ST3GAL1: variants seen among roughly 807,000 people sequenced by gnomAD.
The protein encoded by ST3GAL1 is CMP-N-acetylneuraminate-beta-galactosamide-alpha-2,3-sialyltransferase 1.
Under a neutral mutation model 34.1 loss-of-function variants are expected in ST3GAL1, and 16 were observed. The ratio of observed to expected loss-of-function variants is 0.47; its 90% CI spans 0.32 to 0.71. The LOEUF (loss-of-function observed/expected upper bound fraction) is 0.71. ST3GAL1 is among the 30% of genes least tolerant of loss of function. ST3GAL1 has a pLI of 0.04. For synonymous variants in ST3GAL1, 191 were observed against 184.7 expected, an observed-to-expected ratio of 1.03 and a Z score of -0.28; for missense variants, 353 against 447.4, an observed-to-expected ratio of 0.79 and a Z score of 1.90.
At chr8:133,540,880 G>GAGACATATATATAGAGACATATATAT (rs1818468856) in intron 2 of ST3GAL1, among the ~76,000 whole-genome samples, 2 of 45,054 alleles carry the variant, frequency 4.4e-5, no homozygotes, top group African/African-American at 1.2e-4. Flanking sequence ...CATATATATA[G>GAGACATATATATAGAGACATATATAT]AGACATATAT....
At chr8:133,557,659 C>A (rs1448056559) in intron 1 of ST3GAL1, among the ~76,000 whole-genome samples, 1 of 152,176 alleles carries the variant, frequency 6.6e-6, no homozygotes, top group Non-Finnish European at 1.5e-5. Context: ...ACTAGCCTGA[C>A]CAACATGGTG....
At chr8:133,480,431 G>A (rs530832977) in intron 3 of ST3GAL1, among the ~76,000 whole-genome samples, 4 of 152,204 alleles carry the variant, frequency 2.6e-5, no homozygotes, top group Non-Finnish European at 5.9e-5. Flanking sequence ...CCCACTGAAC[G>A]GGATGGTAGT....
chr8:133,551,608 AAGAAAG>A (rs1429022400), intron 1 of ST3GAL1, among the ~76,000 whole-genome samples: 106 of 135,492 alleles, frequency 7.8e-4, no homozygotes, highest in African/African-American at 2.8e-3. Context: ...GAAAGAAAGA[AAGAAAG>A]AAAGAGCGAG....
At chr8:133,505,852 C>T (rs760455277) in intron 2 of ST3GAL1, among the ~76,000 whole-genome samples, 20 of 152,162 alleles carry the variant, frequency 1.3e-4, no homozygotes, top group Non-Finnish European at 1.9e-4. Context: ...CCACCCACCT[C>T]GGCCTCCCAA....
intron 3 of ST3GAL1, among the ~76,000 whole-genome samples, chr8:133,494,215 A>G (rs994306513): frequency 2.6e-5 from 4 of 152,148 alleles, no homozygotes; most frequent in African/African-American, 9.7e-5. Flanking sequence ...TGTTCTCCCT[A>G]TTTTGCAGGT....
At chr8:133,515,225 C>A (rs1817608948) in intron 2 of ST3GAL1, among the ~76,000 whole-genome samples, 1 of 152,220 alleles carries the variant, frequency 6.6e-6, no homozygotes, top group South Asian at 2.1e-4. Context: ...GCCTCCTGGG[C>A]CCACACCCTG....
intron 5 of ST3GAL1, among the ~76,000 whole-genome samples, chr8:133,474,861 T>G (rs1185263360): frequency 6.6e-6 from 1 of 152,202 alleles, no homozygotes; most frequent in Non-Finnish European, 1.5e-5. Flanking sequence ...TTCAAAGCAC[T>G]TCTGTGTGAG....
At chr8:133,501,005 C>T (rs1817133255) in intron 2 of ST3GAL1, among the ~76,000 whole-genome samples, 1 of 152,234 alleles carries the variant, frequency 6.6e-6, no homozygotes, top group Non-Finnish European at 1.5e-5. Flanking sequence ...GGCTGAGCCA[C>T]ACCAGGCAAG....
chr8:133,540,424 G>A (rs147803548), intron 2 of ST3GAL1, among the ~76,000 whole-genome samples: 392 of 152,218 alleles, frequency 2.6e-3, no homozygotes, highest in African/African-American at 9.0e-3. Context: ...TAGCTCCAAC[G>A]GGGAGTGTCC....
At position 133,494,783 on chromosome 8, in the gene ST3GAL1, C is replaced by T. The variant is rs72720214; in HGVS notation, c.-374+4352G>A. ...CTACACACAGCCTATCTGCTCTGCC[C>T]AGAATGCTCTTCCCACAGGTAGTAA... On this transcript the variant is annotated intron_variant, in intron 3 of 9. Coordinates refer to ENST00000522652, the MANE Select transcript of ST3GAL1 (RefSeq NM_173344.3). Among the ~76,000 whole-genome samples, 104 of 152,280 alleles carry T rather than the reference C, an allele frequency of 6.8e-4. 1 individual carries two copies. Among genetic ancestry groups the T allele is most frequent in the Non-Finnish European group, 1.3e-3 (90 of 68,024 alleles).
chr8:133,534,682 G>C (rs943581431), intron 2 of ST3GAL1, among the ~76,000 whole-genome samples: 4 of 152,254 alleles, frequency 2.6e-5, no homozygotes, highest in African/African-American at 9.6e-5. Context: ...GCAAGTCGGA[G>C]GAGCTAAAGA....
intron 1 of ST3GAL1, among the ~76,000 whole-genome samples, chr8:133,552,374 AG>A (rs1818887965): frequency 6.6e-6 from 1 of 152,216 alleles, no homozygotes; most frequent in African/African-American, 2.4e-5. Flanking sequence ...AAGCTGAGTG[AG>A]GAATGGTGAG....
rs1325548800 is a variant in ST3GAL1, at chr8:133,466,394, C to T, written c.307-304G>A. 6.6e-6 allele frequency among the ~76,000 whole-genome samples: 1 copy of T among 152,194 alleles called. No homozygotes were observed. Among genetic ancestry groups the T allele is most frequent in the Non-Finnish European group, 1.5e-5 (1 of 68,028 alleles). ...ATCCAGCCACACCTGGACTCACAGG[C>T]CCCTCCCACTCCACATGTGATCAGC... is the stretch of plus-strand genomic sequence containing the variant. On this transcript the variant is annotated intron_variant, in intron 5 of 9. Coordinates refer to ENST00000522652, the MANE Select transcript of ST3GAL1 (RefSeq NM_173344.3). The surrounding 1 kb of genome is among the most constrained non-coding windows in gnomAD (Gnocchi z 4.4).
chr8:133,541,044 C>CAT (rs1161236540), intron 2 of ST3GAL1, among the ~76,000 whole-genome samples: 2 of 92,624 alleles, frequency 2.2e-5, no homozygotes, highest in African/African-American at 4.5e-5. Context: ...CATATATAGA[C>CAT]ATATATATAG....
At chr8:133,545,552 T>C (rs964119866) in intron 2 of ST3GAL1, among the ~76,000 whole-genome samples, 3 of 152,204 alleles carry the variant, frequency 2.0e-5, no homozygotes, top group Admixed American at 6.5e-5. Context: ...GAAAAGCTGC[T>C]AGACACTAAC....
At position 133,457,887 on chromosome 8, in the gene ST3GAL1, A is replaced by G. The variant is rs1490419873; in HGVS notation, c.*1877T>C. 16 of 152,222 alleles carry G rather than the reference A, an allele frequency of 1.1e-4. No individual in the cohort carries two copies. The highest frequency in any genetic ancestry group is 1.0e-3 in the Admixed American group (16 of 15,288). 9.4% of individuals were successfully genotyped at this position (152,222 alleles called of 1,614,324 possible). On this transcript the variant is annotated 3_prime_UTR_variant, in exon 10 of 10. Transcript: ENST00000522652. ...TGCCTCCGTCACACTCCACCAGGAA[A>G]AAGTCACGCCTCCTCAAAGCAGCAG...
At chr8:133,555,571 G>C (rs1818989878) in intron 1 of ST3GAL1, among the ~76,000 whole-genome samples, 1 of 152,144 alleles carries the variant, frequency 6.6e-6, no homozygotes, top group African/African-American at 2.4e-5. Flanking sequence ...AAGAAAGGAG[G>C]GGGAGTCTGA....
intron 7 of ST3GAL1, among the ~76,000 whole-genome samples, chr8:133,464,318 C>G (rs1295675478): frequency 6.6e-6 from 1 of 152,206 alleles, no homozygotes; most frequent in East Asian, 1.9e-4. Context: ...GCCACAGCCG[C>G]GTTGCTCAGC....
At chr8:133,546,930 T>TGA (rs906677626) in intron 1 of ST3GAL1, among the ~76,000 whole-genome samples, 1 of 151,194 alleles carries the variant, frequency 6.6e-6, no homozygotes, top group African/African-American at 2.4e-5. Flanking sequence ...TGCTTGAACC[T>TGA]GAGAGACGAG....
Sources: allele counts gnomAD v4.1 joint callset (sites outside exome capture counted in the v4.1 genomes callset), GRCh38; gene constraint gnomAD v4.1.1; non-coding constraint Gnocchi (gnomAD v3.1); transcripts MANE v1.5; gene names NCBI Gene and HGNC (gene_info 2026-07-23, HGNC 2026-07-21).